CPNE8: variants seen among roughly 807,000 people sequenced by gnomAD.
CPNE8 encodes the protein copine-8.
Under a neutral mutation model 81.5 loss-of-function variants are expected in CPNE8, and 45 were observed. The observed-to-expected ratio is 0.55, with a 90% confidence interval of 0.44 to 0.71. CPNE8 has a LOEUF of 0.71. Among genes scored for constraint, CPNE8 ranks in the 30% least tolerant of loss-of-function variants. The pLI is 0.00. For missense variants in CPNE8, 594 were observed against 672.1 expected (o/e 0.88, Z 1.28); for synonymous variants, 252 against 226.3 (o/e 1.11, Z -1.02).
chr12:38,722,660 C>G (rs749158994), intron 13 of CPNE8, among the ~76,000 whole-genome samples: 3 of 152,114 alleles, frequency 2.0e-5, no homozygotes, highest in Admixed American at 6.5e-5. Context: ...TCCACTTTTG[C>G]GTATTGAAAA....
Position 38,790,478 on chromosome 12 carries a change from T to A in CPNE8, c.408-14177A>T, listed in dbSNP as rs187294545. Among the ~76,000 whole-genome samples the A allele has an allele frequency of 5.1e-3, 770 of 151,698 alleles. 9 individuals carry two copies. The highest frequency in any genetic ancestry group is 0.017 in the African/African-American group (702 of 41,484). ...GTAGGTGCTTGGGGTAATATAGAGC[T>A]AGTTAATGGGAATATAAAAACAATA... On this transcript the variant is annotated intron_variant, in intron 6 of 19. Coordinates refer to ENST00000331366, the MANE Select transcript of CPNE8 (RefSeq NM_153634.3).
chr12:38,837,355 A>G (rs879793579), intron 5 of CPNE8, among the ~76,000 whole-genome samples: 2 of 152,146 alleles, frequency 1.3e-5, no homozygotes, highest in Non-Finnish European at 2.9e-5. Flanking sequence ...GGAAAAAATC[A>G]TAAATTTTAG....
At chr12:38,750,422 CACAG>C (rs1941332271) in intron 10 of CPNE8, among the ~76,000 whole-genome samples, 1 of 152,274 alleles carries the variant, frequency 6.6e-6, no homozygotes, top group African/African-American at 2.4e-5. Flanking sequence ...CTGGAAAAGC[CACAG>C]ACACTCAATG....
At chr12:38,905,597 C>T (rs1164010259), upstream of CPNE8, 1 of 1,532,828 alleles carries the variant, frequency 6.5e-7, no homozygotes, top group Admixed American at 2.0e-5. Flanking sequence ...GGACTGAGGG[C>T]TAGCTCCCGT....
chr12:38,864,421 C>A (rs1943886741), intron 3 of CPNE8, among the ~76,000 whole-genome samples: 1 of 151,574 alleles, frequency 6.6e-6, no homozygotes, highest in South Asian at 2.1e-4. Context: ...TGACCCTTTA[C>A]AGAAAAAAGT....
At position 38,677,842 on chromosome 12, in the gene CPNE8, T is replaced by C. The variant is rs560107468; in HGVS notation, c.1272-288A>G. ...ACTATTTAGTACAAAGAAATGGACA[T>C]AGCTTTTGGAAATGGACTTATCCTG... On this transcript the variant is annotated intron_variant, in intron 16 of 19. Transcript: ENST00000331366. 5.3e-5 allele frequency among the ~76,000 whole-genome samples: 8 copies of C among 152,072 alleles called. No homozygotes were observed. The East Asian group carries it at 1.5e-3, about 29-fold the overall frequency.
intron 19 of CPNE8, among the ~76,000 whole-genome samples, chr12:38,662,458 A>G (rs1310680024): frequency 2.0e-5 from 3 of 152,184 alleles, no homozygotes; most frequent in African/African-American, 7.2e-5. Flanking sequence ...AGATCTCTAC[A>G]ATAAAAACTA....
chr12:38,868,197 C>A (rs1342089207), intron 3 of CPNE8, among the ~76,000 whole-genome samples: 2 of 151,896 alleles, frequency 1.3e-5, no homozygotes, highest in African/African-American at 4.8e-5. Flanking sequence ...ACAGATATAC[C>A]AAAATTGCTG....
chr12:38,842,569 CTTTTTTTTTTT>C (rs769891980), intron 4 of CPNE8, among the ~76,000 whole-genome samples: 3 of 110,836 alleles, frequency 2.7e-5, no homozygotes, highest in South Asian at 3.1e-4. Flanking sequence ...AACATTTTTC[CTTTTTTTTTTT>C]TTTTTTTTTT....
chr12:38,801,917 T>C (rs1942682141), intron 6 of CPNE8, among the ~76,000 whole-genome samples: 1 of 82,822 alleles, frequency 1.2e-5, no homozygotes, highest in Non-Finnish European at 2.5e-5. Context: ...AAGAAGCCCA[T>C]TACATAATGG....
chr12:38,792,297 GTT>G (rs34511928), intron 6 of CPNE8, among the ~76,000 whole-genome samples: 1 of 145,876 alleles, frequency 6.9e-6, no homozygotes, highest in South Asian at 2.1e-4. Context: ...GAAACTAAGA[GTT>G]TTTTTTTTTA....
At chr12:38,713,666 T>C (rs951000246) in intron 13 of CPNE8, among the ~76,000 whole-genome samples, 1 of 152,186 alleles carries the variant, frequency 6.6e-6, no homozygotes, top group African/African-American at 2.4e-5. Flanking sequence ...GCCGTCTAAT[T>C]AGTCTGTATT....
chr12:38,762,271 A>G, intron 8 of CPNE8, 55 bp from the exon 9 acceptor site: 1 of 1,009,784 alleles, frequency 9.9e-7, no homozygotes, highest in Non-Finnish European at 1.5e-6. Context: ...TAATTGATCT[A>G]TTGTTTTAGT....
rs191452011 is a variant in CPNE8 at position 38,865,393 on chromosome 12, A to G, written c.186+7611T>C. On this transcript the variant is annotated intron_variant, in intron 3 of 19. Coordinates refer to ENST00000331366, the MANE Select transcript of CPNE8 (RefSeq NM_153634.3). ...TGGGAACAAGCCAAAAATCTGTCCA[A>G]AGTAGAATGGATAAGTAAATTGGGG... Among the ~76,000 whole-genome samples the G allele has an allele frequency of 4.0e-3, 602 of 152,334 alleles. 3 individuals are homozygous for G. The highest frequency in any genetic ancestry group is 6.9e-3 in the Non-Finnish European group (472 of 68,006).
intron 8 of CPNE8, among the ~76,000 whole-genome samples, chr12:38,766,997 T>A (rs1941704461): frequency 6.6e-6 from 1 of 152,098 alleles, no homozygotes; most frequent in Non-Finnish European, 1.5e-5. Context: ...AGCAAGGTTA[T>A]TATTTAAATC....
At position 38,689,755 on chromosome 12, in the gene CPNE8, G is replaced by A. The variant is rs79475045; in HGVS notation, c.1143+3902C>T. On this transcript the variant is annotated intron_variant, in intron 15 of 19. Coordinates refer to ENST00000331366, the MANE Select transcript of CPNE8 (RefSeq NM_153634.3). Reference sequence around the variant, plus strand: ...AGGTGTAGCGTTTCTCTATTGGTCCGCATGGAAGACCTTCTTTTAAGGACC... The same window carrying A: ...AGGTGTAGCGTTTCTCTATTGGTCCACATGGAAGACCTTCTTTTAAGGACC... 1.2e-4 allele frequency among the ~76,000 whole-genome samples: 18 copies of A among 152,260 alleles called. No homozygotes were observed. The South Asian group carries it at 3.1e-3, about 26-fold the overall frequency.
intron 15 of CPNE8, among the ~76,000 whole-genome samples, chr12:38,691,784 A>G (rs1719848): frequency 0.5 from 76,246 of 151,984 alleles, 20,221 homozygotes; most frequent in East Asian, 0.8. Context: ...GTTGCCTGGT[A>G]AGGGCTGTAT....
intron 17 of CPNE8, among the ~76,000 whole-genome samples, chr12:38,677,188 C>T (rs949399242): frequency 6.6e-6 from 1 of 151,906 alleles, no homozygotes; most frequent in Non-Finnish European, 1.5e-5. Flanking sequence ...GTTAACAAAC[C>T]CATGCCTGTG....
At chr12:38,716,174 C>G (rs1456908458) in intron 13 of CPNE8, among the ~76,000 whole-genome samples, 1 of 152,040 alleles carries the variant, frequency 6.6e-6, no homozygotes, top group African/African-American at 2.4e-5. Context: ...GGAAACACAT[C>G]CCATGCTCAT....
Sources: allele counts gnomAD v4.1 joint callset (sites outside exome capture counted in the v4.1 genomes callset), GRCh38; gene constraint gnomAD v4.1.1; transcripts MANE v1.5; gene names NCBI Gene and HGNC (gene_info 2026-07-23, HGNC 2026-07-21).